TEX11: variants seen among roughly 807,000 people sequenced by gnomAD.
TEX11 encodes the protein testis-expressed protein 11.
A neutral mutation model predicts 84.4 loss-of-function variants in TEX11; 7 were observed. The ratio of observed to expected loss-of-function variants is 0.08; its 90% CI spans 0.05 to 0.16. The LOEUF is 0.16. Ranked by LOEUF, TEX11 falls within the 10% of genes least tolerant of loss-of-function variation. The probability of loss-of-function intolerance (pLI) is 1.00; values close to 1 mark genes in which losing one functional copy is unlikely to be tolerated. For missense variants in TEX11, 551 were observed against 660.5 expected (o/e 0.83, Z 1.82); for synonymous variants, 264 against 222.8 (o/e 1.18, Z -1.64).
chrX:70,558,219 G>GATAT (rs58659453), intron 25 of TEX11, among the ~76,000 whole-genome samples: 14 of 107,338 alleles, frequency 1.3e-4, no homozygotes, highest in African/African-American at 4.8e-4. Flanking sequence ...CTGACATAAG[G>GATAT]ATATATATAT....
At chrX:70,570,524 G>C (rs2088580022) in intron 25 of TEX11, among the ~76,000 whole-genome samples, 1 of 112,176 alleles carries the variant, frequency 8.9e-6, no homozygotes, top group African/African-American at 3.2e-5. Context: ...CTGTAGACCA[G>C]AGCTGTTCCT....
chrX:70,540,172 A>C (rs1314606046), intron 28 of TEX11, among the ~76,000 whole-genome samples: 1 of 112,551 alleles, frequency 8.9e-6, no homozygotes, highest in Non-Finnish European at 1.9e-5. Context: ...AATCAGGAAG[A>C]TCTCAAATAA....
In TEX11 at chrX:70,592,093, G is replaced by A. The variant is rs1466283569; in HGVS notation, c.2068-270C>T. Among the ~76,000 whole-genome samples, 7 of 111,397 alleles carry A rather than the reference G, an allele frequency of 6.3e-5. No individual in the cohort carries two copies. The Admixed American group carries it at 6.7e-4, about 11-fold the overall frequency. ...CTAGAACAGAAGAGAAACACTTCTA[G>A]AATGGTTGTGTGAGGAGCTCCATGG... On this transcript the variant is annotated intron_variant, in intron 24 of 29. Transcript: ENST00000374333.
chrX:70,779,068 T>C (rs1170332561), intron 9 of TEX11, among the ~76,000 whole-genome samples: 1 of 109,790 alleles, frequency 9.1e-6, no homozygotes, highest in Non-Finnish European at 1.9e-5. Flanking sequence ...TTTTAAAAAT[T>C]AAAAAAAAAT....
intron 9 of TEX11, among the ~76,000 whole-genome samples, chrX:70,745,813 A>C (rs974905044): frequency 1.8e-5 from 2 of 112,150 alleles, no homozygotes; most frequent in Non-Finnish European, 3.8e-5. Flanking sequence ...ATTGCTAACA[A>C]AGATATAATG....
intron 9 of TEX11, among the ~76,000 whole-genome samples, chrX:70,770,249 G>A (rs1211648479): frequency 8.9e-6 from 1 of 111,754 alleles, no homozygotes; most frequent in South Asian, 3.7e-4. Context: ...ATTTGTGCAC[G>A]TAAATACATT....
chrX:70,784,608 A>G (rs1320185827), intron 9 of TEX11, among the ~76,000 whole-genome samples: 1 of 111,941 alleles, frequency 8.9e-6, no homozygotes, highest in East Asian at 2.8e-4. Context: ...AATCTCTTTA[A>G]GCTGATAAGC....
intron 28 of TEX11, among the ~76,000 whole-genome samples, chrX:70,546,959 C>G (rs1452640430): frequency 4.4e-5 from 4 of 90,826 alleles, no homozygotes; most frequent in African/African-American, 1.3e-4. Context: ...GGAAACAACT[C>G]AAATATCTAT....
chrX:70,844,687 A>C (rs1193634261), intron 7 of TEX11, among the ~76,000 whole-genome samples: 2 of 111,774 alleles, frequency 1.8e-5, no homozygotes, highest in Non-Finnish European at 3.8e-5. Flanking sequence ...TGGGAGGCCA[A>C]GGCAGGTGGA....
intron 11 of TEX11, among the ~76,000 whole-genome samples, chrX:70,727,615 A>G (rs1441304317): frequency 9.0e-6 from 1 of 111,722 alleles, no homozygotes; most frequent in Non-Finnish European, 1.9e-5. Flanking sequence ...TCTTTCTAAA[A>G]TTCATATATT....
At chrX:70,594,857 T>C (rs2088983539) in intron 24 of TEX11, among the ~76,000 whole-genome samples, 1 of 111,326 alleles carries the variant, frequency 9.0e-6, no homozygotes, top group South Asian at 3.9e-4. Flanking sequence ...CCTTCCATCA[T>C]GATTCTAAGT....
chrX:70,657,842 G>A (rs1229285904), intron 16 of TEX11, among the ~76,000 whole-genome samples: 1 of 94,744 alleles, frequency 1.1e-5, no homozygotes, highest in Admixed American at 1.2e-4. Context: ...ACCAAACACC[G>A]CATGTTCTCA....
intron 16 of TEX11, among the ~76,000 whole-genome samples, chrX:70,662,410 G>A (rs1327873474): frequency 8.9e-6 from 1 of 111,819 alleles, no homozygotes; most frequent in Non-Finnish European, 1.9e-5. Context: ...GAAAGTGACG[G>A]GGAGAATGCA....
intron 13 of TEX11, among the ~76,000 whole-genome samples, chrX:70,698,107 A>G (rs1387890711): frequency 9.0e-5 from 10 of 111,472 alleles, no homozygotes; most frequent in Admixed American, 7.7e-4. Flanking sequence ...ACAAGCATAC[A>G]GTGTGTAATG....
At chrX:70,849,008 T>C (rs762700035) in intron 7 of TEX11, among the ~76,000 whole-genome samples, 60 of 112,200 alleles carry the variant, frequency 5.3e-4, no homozygotes, top group African/African-American at 1.8e-3. Context: ...TCTATAGTTA[T>C]TTTTACAATT....
chrX:70,782,937 C>T (rs2091051360), intron 9 of TEX11, among the ~76,000 whole-genome samples: 1 of 111,128 alleles, frequency 9.0e-6, no homozygotes, highest in Non-Finnish European at 1.9e-5. Flanking sequence ...AGATGGTTAA[C>T]AAGGATATCC....
At chrX:70,656,340 A>C (rs1459625092) in intron 16 of TEX11, among the ~76,000 whole-genome samples, 1 of 110,237 alleles carries the variant, frequency 9.1e-6, no homozygotes, top group Non-Finnish European at 1.9e-5. Context: ...AGGTAGGAGG[A>C]TTACTTGAGC....
intron 28 of TEX11, 74 bp from the exon 29 acceptor site, chrX:70,530,073 T>C: frequency 1.1e-6 from 1 of 910,920 alleles, no homozygotes; most frequent in Non-Finnish European, 1.5e-6. Flanking sequence ...ATCCATGCTA[T>C]GTCCCTTTAT....
At chrX:70,882,027 C>CAA (rs61563153) in intron 2 of TEX11, among the ~76,000 whole-genome samples, 11 of 41,665 alleles carry the variant, frequency 2.6e-4, no homozygotes, top group East Asian at 1.1e-3. Flanking sequence ...GACTCCATCT[C>CAA]AAAAAAAAAA....
Sources: allele counts gnomAD v4.1 joint callset (sites outside exome capture counted in the v4.1 genomes callset), GRCh38; gene constraint gnomAD v4.1.1; transcripts MANE v1.5; gene names NCBI Gene and HGNC (gene_info 2026-07-23, HGNC 2026-07-21).